Variants in SLC24A3 observed in about 807,000 individuals in gnomAD.
The protein encoded by SLC24A3 is solute carrier family 24 member 3, also known as sodium/potassium/calcium exchanger 3.
SLC24A3 carries 28 observed loss-of-function variants against 75.8 expected under a neutral mutation model. That is an observed-to-expected ratio of 0.37 (90% confidence interval 0.27 to 0.51). SLC24A3 has a LOEUF of 0.51. Ranked by LOEUF, SLC24A3 falls within the 20% of genes least tolerant of loss-of-function variation. The probability of loss-of-function intolerance (pLI) is 0.94; values close to 1 mark genes in which losing one functional copy is unlikely to be tolerated. For synonymous variants in SLC24A3, 372 were observed against 334.1 expected (o/e 1.11, Z -1.24); for missense variants, 663 against 847.8 (o/e 0.78, Z 2.71).
At chr20:19,463,940 A>G (rs944805814) in intron 2 of SLC24A3, among the ~76,000 whole-genome samples, 2 of 152,054 alleles carry the variant, frequency 1.3e-5, no homozygotes. Flanking sequence ...TTTTCTGCCT[A>G]CTCTTAAAGC....
chr20:19,368,959 A>G (rs1008821116), intron 2 of SLC24A3, among the ~76,000 whole-genome samples: 2 of 152,242 alleles, frequency 1.3e-5, no homozygotes, highest in Non-Finnish European at 2.9e-5. Context: ...ATGTGAATGA[A>G]TGAATGAACA....
intron 8 of SLC24A3, among the ~76,000 whole-genome samples, chr20:19,672,147 G>A (rs951508019): frequency 6.6e-6 from 1 of 152,134 alleles, no homozygotes; most frequent in African/African-American, 2.4e-5. Context: ...GTGGAAGTTA[G>A]GCTAGAGAAA....
At chr20:19,497,463 C>T (rs1600253921) in intron 2 of SLC24A3, among the ~76,000 whole-genome samples, 1 of 152,270 alleles carries the variant, frequency 6.6e-6, no homozygotes, top group East Asian at 1.9e-4. Flanking sequence ...ATTTTAGTCT[C>T]GGGTCCCATT....
In SLC24A3 at chr20:19,212,752, C is replaced by T; in HGVS notation, c.-91C>T. The T allele has an allele frequency of 3.2e-6, 3 of 944,174 alleles. No individual in the cohort carries two copies. Among genetic ancestry groups the T allele is most frequent in the Non-Finnish European group, 3.8e-6 (3 of 795,086 alleles). 58.5% of individuals were successfully genotyped at this position (944,174 alleles called of 1,614,324 possible). A position where few individuals can be genotyped will look rare whatever the true frequency, so the allele number is the denominator to read the frequency against. ...GCAGCGAGGACGCGCGGCTGCTGCG[C>T]GCAGGGCTGCCTCCTGCCGCTGTCC... On this transcript the variant is annotated 5_prime_UTR_variant, in exon 1 of 17. Transcript: ENST00000328041.
chr20:19,279,708 C>G (rs180815899), intron 1 of SLC24A3, among the ~76,000 whole-genome samples: 4 of 152,328 alleles, frequency 2.6e-5, no homozygotes, highest in Admixed American at 2.0e-4. Context: ...TTCCCTATTG[C>G]TGATGACTTC....
intron 2 of SLC24A3, among the ~76,000 whole-genome samples, chr20:19,327,243 T>C (rs886426824): frequency 6.6e-6 from 1 of 152,172 alleles, no homozygotes; most frequent in African/African-American, 2.4e-5. Flanking sequence ...CTCCCGTGTG[T>C]CCTCACTCCA....
intron 6 of SLC24A3, among the ~76,000 whole-genome samples, chr20:19,603,555 G>A (rs1306344990): frequency 6.6e-6 from 1 of 152,180 alleles, no homozygotes; most frequent in African/African-American, 2.4e-5. Context: ...CTGAACACCT[G>A]TTCGCCCAGC....
At chr20:19,554,595 T>A (rs536868641) in intron 3 of SLC24A3, among the ~76,000 whole-genome samples, 1 of 152,060 alleles carries the variant, frequency 6.6e-6, no homozygotes, top group African/African-American at 2.4e-5. Flanking sequence ...TTTGACGGAG[T>A]TGTTGTTAAG....
chr20:19,702,182 T>C (rs1230325168), intron 15 of SLC24A3, among the ~76,000 whole-genome samples: 2 of 152,174 alleles, frequency 1.3e-5, no homozygotes, highest in East Asian at 3.8e-4. Flanking sequence ...TTTCCTCCCC[T>C]TCTGACATTT....
Position 19,575,648 on chromosome 20 carries a change from G to A in SLC24A3, c.349-4352G>A, listed in dbSNP as rs1003199442. 2.6e-5 allele frequency among the ~76,000 whole-genome samples: 4 copies of A among 152,310 alleles called. 1 individual carries two copies. Among genetic ancestry groups the A allele is most frequent in the South Asian group, 4.1e-4 (2 of 4,820 alleles). On this transcript the variant is annotated intron_variant, in intron 3 of 16. Transcript: ENST00000328041. ...AAGGCACTCCACATTCACTTGTACC[G>A]GCTGCTGTAGCCAAGCCATGGGCTT...
chr20:19,265,054 A>G (rs1488648074), intron 1 of SLC24A3, among the ~76,000 whole-genome samples: 1 of 152,212 alleles, frequency 6.6e-6, no homozygotes, highest in African/African-American at 2.4e-5. Context: ...GCTGTTGGAA[A>G]ACCCAAACCA....
chr20:19,718,028 G>T (rs899761318), intron 16 of SLC24A3, among the ~76,000 whole-genome samples: 1 of 152,150 alleles, frequency 6.6e-6, no homozygotes, highest in South Asian at 2.1e-4. Flanking sequence ...GCCCACTTGC[G>T]TACTTTAATA....
chr20:19,226,435 A>G (rs1277738736), intron 1 of SLC24A3, among the ~76,000 whole-genome samples: 1 of 152,208 alleles, frequency 6.6e-6, no homozygotes, highest in Non-Finnish European at 1.5e-5. Flanking sequence ...GCACCATAAA[A>G]TGATTTAGGA....
intron 2 of SLC24A3, among the ~76,000 whole-genome samples, chr20:19,350,564 G>A (rs1466767900): frequency 6.6e-6 from 1 of 152,158 alleles, no homozygotes; most frequent in African/African-American, 2.4e-5. Context: ...ACGCCTGCCA[G>A]ACATCAATAG....
intron 2 of SLC24A3, among the ~76,000 whole-genome samples, chr20:19,333,635 G>A (rs984981458): frequency 6.0e-5 from 9 of 151,128 alleles, no homozygotes; most frequent in African/African-American, 2.2e-4. Context: ...GTGTGTGTGT[G>A]TGTGTGAGTG....
chr20:19,553,349 G>A (rs1445011806), intron 3 of SLC24A3, among the ~76,000 whole-genome samples: 1 of 152,084 alleles, frequency 6.6e-6, no homozygotes, highest in Non-Finnish European at 1.5e-5. Context: ...AAACCATGGG[G>A]AAATAGACCA....
intron 1 of SLC24A3, among the ~76,000 whole-genome samples, chr20:19,236,115 C>T (rs1982159874): frequency 6.6e-6 from 1 of 152,190 alleles, no homozygotes; most frequent in South Asian, 2.1e-4. Flanking sequence ...TATAATTCAA[C>T]CAACTTTTAT....
At chr20:19,251,262 C>A (rs994085898) in intron 1 of SLC24A3, among the ~76,000 whole-genome samples, 1 of 152,166 alleles carries the variant, frequency 6.6e-6, no homozygotes, top group Non-Finnish European at 1.5e-5. Flanking sequence ...TGGAGGTGCC[C>A]CTCCCTCATA....
At chr20:19,350,703 A>G (rs1230860763) in intron 2 of SLC24A3, among the ~76,000 whole-genome samples, 1 of 152,232 alleles carries the variant, frequency 6.6e-6, no homozygotes, top group Non-Finnish European at 1.5e-5. Context: ...GTAGGCAGAT[A>G]CTTGATATTC....
Sources: allele counts gnomAD v4.1 joint callset (sites outside exome capture counted in the v4.1 genomes callset), GRCh38; gene constraint gnomAD v4.1.1; transcripts MANE v1.5; gene names NCBI Gene and HGNC (gene_info 2026-07-23, HGNC 2026-07-21).